The following PTPRD variants were observed in gnomAD, a reference collection of about 807,000 sequenced individuals.
PTPRD encodes the protein receptor-type tyrosine-protein phosphatase delta.
In PTPRD, 34 loss-of-function variants were observed where a neutral mutation model predicts 214.5. The observed-to-expected ratio is 0.16, with a 90% confidence interval of 0.12 to 0.21. The LOEUF (loss-of-function observed/expected upper bound fraction) is 0.21, where lower values mean the gene tolerates loss of function less well. PTPRD is among the 10% of genes least tolerant of loss of function. PTPRD has a pLI of 1.00. For missense variants in PTPRD, 2,545 were observed against 2,398.7 expected, an observed-to-expected ratio of 1.06 and a Z score of -1.27; for synonymous variants, 1,128 against 845.7, an observed-to-expected ratio of 1.33 and a Z score of -5.79.
At chr9:8,553,200 C>G (rs1332062299) in intron 14 of PTPRD, among the ~76,000 whole-genome samples, 1 of 152,080 alleles carries the variant, frequency 6.6e-6, no homozygotes, top group Non-Finnish European at 1.5e-5. Flanking sequence ...AACTCGGATC[C>G]CAAATCAACT....
intron 5 of PTPRD, among the ~76,000 whole-genome samples, chr9:9,895,126 A>C (rs1230316737): frequency 2.0e-5 from 3 of 152,070 alleles, no homozygotes; most frequent in Admixed American, 6.6e-5. Context: ...TGGTTGTAAG[A>C]CTATAAAAAT....
chr9:9,372,447 T>A (rs983978787), intron 9 of PTPRD, among the ~76,000 whole-genome samples: 17 of 152,138 alleles, frequency 1.1e-4, no homozygotes, highest in Non-Finnish European at 2.9e-5. Context: ...CCTGTCTTTT[T>A]TTGTTTTCCA....
chr9:10,286,624 G>T (rs2095363490), intron 3 of PTPRD, among the ~76,000 whole-genome samples: 1 of 152,022 alleles, frequency 6.6e-6, no homozygotes, highest in African/African-American at 2.4e-5. Flanking sequence ...TTGAGACAGA[G>T]TATTGCACTC....
In PTPRD at chr9:10,033,789, C is replaced by G. The variant is rs1158622138; in HGVS notation, c.-543G>C. 1 of 152,044 alleles carries G rather than the reference C, an allele frequency of 6.6e-6. No homozygotes were observed. The highest frequency in any genetic ancestry group is 1.5e-5 in the Non-Finnish European group (1 of 67,960). The allele number at this position is 152,044 out of a possible 1,614,324, so 9.4% of individuals were successfully genotyped here. On this transcript the variant is annotated splice_region_variant and 5_prime_UTR_variant, in exon 4 of 46. Coordinates refer to ENST00000381196, the MANE Select transcript of PTPRD (RefSeq NM_002839.4). ...AAAAGTATCAGACTCCTCAAGATTT[C>G]CCTGAAAGGAAAAGTGAGAGATCGC...
At chr9:9,337,769 T>G (rs2045152628) in intron 9 of PTPRD, among the ~76,000 whole-genome samples, 2 of 152,332 alleles carry the variant, frequency 1.3e-5, no homozygotes, top group South Asian at 4.1e-4. Flanking sequence ...TCATTTAAAT[T>G]GTTCTCTTGA....
intron 8 of PTPRD, among the ~76,000 whole-genome samples, chr9:9,411,017 T>G (rs905804052): frequency 6.6e-6 from 1 of 151,998 alleles, no homozygotes; most frequent in Admixed American, 6.6e-5. Context: ...TGCTTTTTTT[T>G]CCCACCACAG....
At chr9:10,162,292 C>A (rs1439831211) in intron 3 of PTPRD, among the ~76,000 whole-genome samples, 1 of 151,462 alleles carries the variant, frequency 6.6e-6, no homozygotes. Context: ...ATTGAATCAA[C>A]CTAATTGCCT....
chr9:9,956,934 T>C (rs1213326989), intron 4 of PTPRD, among the ~76,000 whole-genome samples: 1 of 152,158 alleles, frequency 6.6e-6, no homozygotes, highest in Non-Finnish European at 1.5e-5. Context: ...ATGTTATAAC[T>C]GCCCATAGGT....
At chr9:8,638,103 C>CTTTTTT (rs963311950) in intron 12 of PTPRD, among the ~76,000 whole-genome samples, 23 of 127,028 alleles carry the variant, frequency 1.8e-4, no homozygotes, top group African/African-American at 6.1e-4. Flanking sequence ...GCTGTTCCTT[C>CTTTTTT]TTTTTTTTTT....
intron 6 of PTPRD, among the ~76,000 whole-genome samples, chr9:9,763,902 C>G (rs967215837): frequency 1.3e-5 from 2 of 151,962 alleles, no homozygotes; most frequent in Non-Finnish European, 2.9e-5. Context: ...GACGACCTCT[C>G]ACCCTCATGC....
intron 11 of PTPRD, among the ~76,000 whole-genome samples, chr9:9,016,964 G>C (rs935900875): frequency 7.9e-5 from 12 of 151,912 alleles, no homozygotes; most frequent in African/African-American, 2.9e-4. Context: ...AGAGTCAATG[G>C]GCGTTTTCTC....
chr9:9,185,480 G>C (rs1359010879), intron 9 of PTPRD, among the ~76,000 whole-genome samples: 6 of 151,980 alleles, frequency 3.9e-5, no homozygotes, highest in Non-Finnish European at 5.9e-5. Context: ...TCCACTTGCT[G>C]GTTAAGTTTA....
chr9:10,348,873 T>A (rs2097134425), intron 2 of PTPRD, among the ~76,000 whole-genome samples: 1 of 152,008 alleles, frequency 6.6e-6, no homozygotes, highest in South Asian at 2.1e-4. Flanking sequence ...GCTATATACC[T>A]CCCTAACATT....
chr9:9,864,502 G>A (rs1378254808), intron 5 of PTPRD, among the ~76,000 whole-genome samples: 2 of 151,936 alleles, frequency 1.3e-5, no homozygotes, highest in Admixed American at 6.6e-5. Context: ...TTCGGATTTT[G>A]TTGTTTGTTT....
chr9:9,509,962 C>A (rs539645905), intron 8 of PTPRD, among the ~76,000 whole-genome samples: 45 of 151,592 alleles, frequency 3.0e-4, no homozygotes, highest in Non-Finnish European at 4.3e-4. Context: ...GCCTGATAGT[C>A]CCTAACAAGA....
At position 10,503,198 on chromosome 9, in the gene PTPRD, A is replaced by AAAAAAAC. The variant is rs1555437070; in HGVS notation, c.-600+109199_-600+109200insGTTTTTT. 7.5e-5 allele frequency among the ~76,000 whole-genome samples: 10 copies of AAAAAAAC among 132,496 alleles called. 1 individual carries two copies. Among genetic ancestry groups the AAAAAAAC allele is most frequent in the East Asian group, 6.3e-4 (3 of 4,780 alleles). The allele number at this position is 132,496 out of a possible 152,430, so 86.9% of individuals were successfully genotyped here. On this transcript the variant is annotated intron_variant, in intron 2 of 45. Transcript: ENST00000381196. Reference sequence around the variant, plus strand: ...ATTGAGACACAGCTGCAATACAAAAAAAAAAAAAACAAAAAAAAACACCAT... The same window carrying AAAAAAAC: ...ATTGAGACACAGCTGCAATACAAAAAAAAAAACAAAAAAAAACAAAAAAAAACACCAT...
intron 5 of PTPRD, among the ~76,000 whole-genome samples, chr9:9,818,548 G>C (rs181214199): frequency 3.9e-4 from 60 of 152,230 alleles, no homozygotes; most frequent in Non-Finnish European, 8.1e-4. Flanking sequence ...GAGATAGAAA[G>C]AGGCAGACGA....
At chr9:9,910,254 C>T (rs1309726931) in intron 5 of PTPRD, among the ~76,000 whole-genome samples, 1 of 151,784 alleles carries the variant, frequency 6.6e-6, no homozygotes, top group African/African-American at 2.4e-5. Context: ...TCATGCAAAC[C>T]CCTGAATTTT....
At chr9:8,818,458 C>T (rs1314961059) in intron 11 of PTPRD, among the ~76,000 whole-genome samples, 2 of 152,242 alleles carry the variant, frequency 1.3e-5, no homozygotes, top group East Asian at 3.9e-4. Flanking sequence ...AGGTAGTGTC[C>T]TAAGAGCTTT....
Sources: gnomAD v4.1 joint callset for allele counts (sites outside exome capture counted in the v4.1 genomes callset) on GRCh38, gnomAD v4.1.1 for gene constraint, MANE v1.5 for transcripts, NCBI Gene and HGNC (gene_info 2026-07-23, HGNC 2026-07-21) for gene names.